The following SMOC2 variants were observed in gnomAD, a reference collection of about 807,000 sequenced individuals.
SMOC2 encodes SPARC-related modular calcium-binding protein 2.
In SMOC2, 39 loss-of-function variants were observed where a neutral mutation model predicts 61.4. The observed-to-expected ratio is 0.64, with a 90% CI of 0.49 to 0.83. The LOEUF is 0.83. SMOC2 is among the 40% of genes least tolerant of loss of function. SMOC2 has a pLI of 0.00. For missense variants in SMOC2, 556 were observed against 592.9 expected (o/e 0.94, Z 0.65); for synonymous variants, 247 against 239.9 (o/e 1.03, Z -0.27).
intron 1 of SMOC2, among the ~76,000 whole-genome samples, chr6:168,499,348 T>G (rs1782671219): frequency 6.6e-6 from 1 of 152,256 alleles, no homozygotes; most frequent in Admixed American, 6.5e-5. Flanking sequence ...TTTGTACTTT[T>G]ATTTTCAGAT....
At chr6:168,635,052 C>T (rs1274485507) in intron 9 of SMOC2, among the ~76,000 whole-genome samples, 2 of 152,170 alleles carry the variant, frequency 1.3e-5, no homozygotes, top group Non-Finnish European at 2.9e-5. Context: ...TAGAACACAG[C>T]CTTGCTGAAA....
intron 9 of SMOC2, among the ~76,000 whole-genome samples, chr6:168,616,595 G>T (rs1381987837): frequency 6.6e-6 from 1 of 152,132 alleles, no homozygotes; most frequent in East Asian, 1.9e-4. Context: ...TTTATTTTTT[G>T]ACCACTAAGT....
In SMOC2 at chr6:168,524,953, C is replaced by T. The variant is rs529784095; in HGVS notation, c.257-1393C>T. Reference sequence around the variant, plus strand: ...ACGGGTGGAGCCCAGGGCTGGTAATCGGATCGCATTTTGCCATAGCCAGCA... The same window carrying T: ...ACGGGTGGAGCCCAGGGCTGGTAATTGGATCGCATTTTGCCATAGCCAGCA... On this transcript the variant is annotated intron_variant, in intron 2 of 12. Transcript: ENST00000356284. 4.6e-5 allele frequency among the ~76,000 whole-genome samples: 7 copies of T among 152,202 alleles called. No homozygotes were observed. The South Asian group carries it at 1.3e-3, about 28-fold the overall frequency.
At chr6:168,585,766 G>A (rs1238874726) in intron 7 of SMOC2, among the ~76,000 whole-genome samples, 1 of 152,224 alleles carries the variant, frequency 6.6e-6, no homozygotes. Context: ...ATGTTGGACA[G>A]TTTCTTTCAA....
At chr6:168,445,805 T>G (rs1038765610) in intron 1 of SMOC2, among the ~76,000 whole-genome samples, 6 of 152,204 alleles carry the variant, frequency 3.9e-5, no homozygotes, top group African/African-American at 1.4e-4. Flanking sequence ...CCCAAACATC[T>G]GGAAGAATCA....
At chr6:168,567,235 G>C (rs1451069902) in intron 7 of SMOC2, among the ~76,000 whole-genome samples, 1 of 152,196 alleles carries the variant, frequency 6.6e-6, no homozygotes, top group Non-Finnish European at 1.5e-5. Flanking sequence ...TTTGGGAAGA[G>C]AGATTTTATT....
At chr6:168,588,437 T>C (rs932361371) in intron 7 of SMOC2, among the ~76,000 whole-genome samples, 3 of 151,788 alleles carry the variant, frequency 2.0e-5, no homozygotes, top group Non-Finnish European at 2.9e-5. Context: ...GCCCCTTTTC[T>C]AAAGGCTCAT....
intron 1 of SMOC2, among the ~76,000 whole-genome samples, chr6:168,459,178 G>A (rs1020992682): frequency 9.9e-5 from 15 of 152,188 alleles, no homozygotes; most frequent in Admixed American, 9.8e-4. Flanking sequence ...CCTGAGGAAG[G>A]TCCTGGAGCA....
chr6:168,624,077 C>G (rs1786321324), intron 9 of SMOC2, among the ~76,000 whole-genome samples: 1 of 152,182 alleles, frequency 6.6e-6, no homozygotes, highest in Non-Finnish European at 1.5e-5. Flanking sequence ...TTCTTAGGAC[C>G]AAATGGAGAC....
chr6:168,640,064 G>A (rs1467592135), intron 9 of SMOC2, among the ~76,000 whole-genome samples: 3 of 152,206 alleles, frequency 2.0e-5, no homozygotes, highest in Non-Finnish European at 4.4e-5. Context: ...TTGGGTAGTT[G>A]AAGCCTCTGG....
chr6:168,643,450 A>G (rs1458509501), intron 9 of SMOC2, among the ~76,000 whole-genome samples: 2 of 152,044 alleles, frequency 1.3e-5, no homozygotes, highest in Non-Finnish European at 2.9e-5. Context: ...GGAATGCCAC[A>G]CTGCCTGGGA....
chr6:168,614,056 G>A (rs868719730), intron 9 of SMOC2, among the ~76,000 whole-genome samples: 3 of 80,840 alleles, frequency 3.7e-5, no homozygotes, highest in Admixed American at 1.4e-4. Context: ...CAGCCAGCAG[G>A]GGGCCTCTTC....
chr6:168,473,957 G>A (rs1562546190), intron 1 of SMOC2, among the ~76,000 whole-genome samples: 1 of 152,182 alleles, frequency 6.6e-6, no homozygotes, highest in South Asian at 2.1e-4. Context: ...GCTATATGAC[G>A]TTAGGCAGAT....
At chr6:168,629,089 C>T (rs773250331) in intron 9 of SMOC2, among the ~76,000 whole-genome samples, 2 of 152,244 alleles carry the variant, frequency 1.3e-5, no homozygotes, top group Non-Finnish European at 2.9e-5. Flanking sequence ...CTTGCTGCCT[C>T]GAGCTCCGAG....
chr6:168,546,944 A>G (rs1447422881), intron 5 of SMOC2, 175 bp from the exon 6 acceptor site: 2 of 750,962 alleles, frequency 2.7e-6, no homozygotes, highest in Non-Finnish European at 4.8e-6. Flanking sequence ...CAAGACTGGT[A>G]TAGTCATTCC....
At chr6:168,532,069 T>A (rs1783618362) in intron 4 of SMOC2, among the ~76,000 whole-genome samples, 1 of 152,188 alleles carries the variant, frequency 6.6e-6, no homozygotes. Flanking sequence ...AGGTGTTTCT[T>A]GCTCACAGTT....
chr6:168,572,186 T>C (rs373132691), intron 7 of SMOC2, among the ~76,000 whole-genome samples: 33 of 37,238 alleles, frequency 8.9e-4, no homozygotes, highest in Admixed American at 4.0e-3. Flanking sequence ...TCCCCGCATC[T>C]CCGGGTGCCG....
intron 11 of SMOC2, among the ~76,000 whole-genome samples, chr6:168,663,135 C>G (rs1787564812): frequency 6.6e-6 from 1 of 152,080 alleles, no homozygotes; most frequent in South Asian, 2.1e-4. Context: ...CCAACCTGAG[C>G]CCACCAGTGA....
At chr6:168,486,274 G>A (rs751336772) in intron 1 of SMOC2, among the ~76,000 whole-genome samples, 1 of 152,128 alleles carries the variant, frequency 6.6e-6, no homozygotes, top group African/African-American at 2.4e-5. Context: ...AATGCTAGAT[G>A]TCTAAATTCT....
Sources: allele counts gnomAD v4.1 joint callset (sites outside exome capture counted in the v4.1 genomes callset), GRCh38; gene constraint gnomAD v4.1.1; transcripts MANE v1.5; gene names NCBI Gene and HGNC (gene_info 2026-07-23, HGNC 2026-07-21).